CPQ: variants seen among roughly 807,000 people sequenced by gnomAD.
CPQ encodes the protein carboxypeptidase Q.
In CPQ, 37 loss-of-function variants were observed where a neutral mutation model predicts 45.7. That is an observed-to-expected ratio of 0.81 (90% CI 0.62 to 1.07). The LOEUF (loss-of-function observed/expected upper bound fraction) is 1.07, where lower values mean the gene tolerates loss of function less well. Ranked by LOEUF, CPQ falls within the 50% of genes least tolerant of loss-of-function variation. The probability of loss-of-function intolerance (pLI) is 0.00; values close to 1 mark genes in which losing one functional copy is unlikely to be tolerated. For missense variants in CPQ, 537 were observed against 572.9 expected (o/e 0.94, Z 0.64); for synonymous variants, 186 against 205.8 (o/e 0.90, Z 0.82).
chr8:97,083,316 C>G (rs1810986433), intron 7 of CPQ, among the ~76,000 whole-genome samples: 1 of 152,106 alleles, frequency 6.6e-6, no homozygotes, highest in Non-Finnish European at 1.5e-5. Flanking sequence ...GAGAGGATGA[C>G]TGGGCATGTA....
At chr8:97,003,766 G>A (rs1809329411) in intron 5 of CPQ, among the ~76,000 whole-genome samples, 1 of 152,158 alleles carries the variant, frequency 6.6e-6, no homozygotes, top group Non-Finnish European at 1.5e-5. Flanking sequence ...CACCAAGGAA[G>A]GGGGGATAAT....
chr8:97,027,115 T>G (rs947191180), intron 5 of CPQ, among the ~76,000 whole-genome samples: 2 of 152,242 alleles, frequency 1.3e-5, no homozygotes, highest in African/African-American at 4.8e-5. Context: ...TTCTTATTTT[T>G]GCCTATATTA....
chr8:96,774,022 G>A (rs1810577274), intron 1 of CPQ, among the ~76,000 whole-genome samples: 1 of 152,152 alleles, frequency 6.6e-6, no homozygotes, highest in African/African-American at 2.4e-5. Flanking sequence ...TCTAATCACA[G>A]CACTTTGGGA....
chr8:96,814,553 G>T (rs2130831695), intron 2 of CPQ, among the ~76,000 whole-genome samples: 1 of 152,200 alleles, frequency 6.6e-6, no homozygotes, highest in South Asian at 2.1e-4. Flanking sequence ...ATCTGTATCT[G>T]GATGTTTGCA....
rs59931181 is a variant in CPQ at position 96,651,130 on chromosome 8, C to T, written c.-35+5728C>T. ...AGACCATTTAAAATACAATGGACAT[C>T]ATGACTTGCAGCTAAATCCATTCAG... is the stretch of plus-strand genomic sequence containing the variant. On this transcript the variant is annotated intron_variant, in intron 1 of 7. Coordinates refer to ENST00000220763, the MANE Select transcript of CPQ (RefSeq NM_016134.4). Among the ~76,000 whole-genome samples, 558 of 152,302 alleles carry T rather than the reference C, an allele frequency of 3.7e-3. 6 individuals are homozygous for T. Among genetic ancestry groups the T allele is most frequent in the African/African-American group, 0.012 (497 of 41,570 alleles).
chr8:96,995,600 G>A (rs1184308850), intron 5 of CPQ, among the ~76,000 whole-genome samples: 6 of 151,212 alleles, frequency 4.0e-5, no homozygotes. Flanking sequence ...GATAGCAGCT[G>A]AATAGTTAGA....
chr8:96,698,573 A>G (rs925824660), intron 1 of CPQ, among the ~76,000 whole-genome samples: 52 of 152,286 alleles, frequency 3.4e-4, no homozygotes, highest in Non-Finnish European at 7.4e-4. Flanking sequence ...ACAGAATGGG[A>G]GAAAATATTT....
intron 1 of CPQ, among the ~76,000 whole-genome samples, chr8:96,735,844 TC>T (rs1285400904): frequency 6.6e-6 from 1 of 152,182 alleles, no homozygotes; most frequent in Non-Finnish European, 1.5e-5. Context: ...TAACAGCAAG[TC>T]ACTTCTTGTC....
At chr8:97,041,920 C>A (rs1223738749) in intron 6 of CPQ, among the ~76,000 whole-genome samples, 1 of 152,226 alleles carries the variant, frequency 6.6e-6, no homozygotes, top group Non-Finnish European at 1.5e-5. Context: ...CATCAATGTT[C>A]ATCAAGGATA....
chr8:97,001,565 G>A (rs1809280383), intron 5 of CPQ, among the ~76,000 whole-genome samples: 1 of 152,008 alleles, frequency 6.6e-6, no homozygotes, highest in Non-Finnish European at 1.5e-5. Flanking sequence ...TGCATATGTT[G>A]AACCAAACTT....
intron 3 of CPQ, among the ~76,000 whole-genome samples, chr8:96,856,442 G>A (rs1475675677): frequency 6.6e-6 from 1 of 152,082 alleles, no homozygotes; most frequent in African/African-American, 2.4e-5. Context: ...TTTCTTAATG[G>A]CACATATTTT....
intron 4 of CPQ, among the ~76,000 whole-genome samples, chr8:96,921,006 G>T (rs186656458): frequency 6.6e-6 from 1 of 152,246 alleles, no homozygotes; most frequent in East Asian, 1.9e-4. Context: ...ATTTTATTCT[G>T]TATAGCTTAT....
chr8:96,707,178 A>C (rs545938974), intron 1 of CPQ, among the ~76,000 whole-genome samples: 1 of 152,304 alleles, frequency 6.6e-6, no homozygotes, highest in African/African-American at 2.4e-5. Context: ...ATGAAGAAAC[A>C]GATCACTGTT....
chr8:96,702,072 G>T (rs1809469144), intron 1 of CPQ, among the ~76,000 whole-genome samples: 1 of 152,158 alleles, frequency 6.6e-6, no homozygotes, highest in Admixed American at 6.5e-5. Context: ...AGTTGTGCTG[G>T]CAAGATGGTG....
intron 6 of CPQ, among the ~76,000 whole-genome samples, chr8:97,044,485 G>A (rs1810196399): frequency 6.6e-6 from 1 of 152,166 alleles, no homozygotes; most frequent in African/African-American, 2.4e-5. Flanking sequence ...CTCTCAACTT[G>A]TCAAAGTCAT....
intron 3 of CPQ, among the ~76,000 whole-genome samples, chr8:96,839,499 A>G (rs909633606): frequency 6.6e-6 from 1 of 152,126 alleles, no homozygotes; most frequent in African/African-American, 2.4e-5. Flanking sequence ...CCTGGGAAAT[A>G]TGTTTTAAGA....
chr8:96,824,638 A>T (rs1811353972), intron 2 of CPQ, among the ~76,000 whole-genome samples: 1 of 151,990 alleles, frequency 6.6e-6, no homozygotes. Flanking sequence ...GTCCACATGG[A>T]TCCTTGGGAA....
rs747760951 is a variant in CPQ, at chr8:96,785,093, C to T, written c.196C>T (p.Arg66Ter). 7.6e-5 allele frequency: 122 copies of T among 1,613,588 alleles called. No homozygotes were observed. The highest frequency in any genetic ancestry group is 8.8e-5 in the Non-Finnish European group (104 of 1,179,842). ...TAAAGCCCAGAACAGATCCTATGAG[C>T]GATTGGCACTTCTGGTTGATACTGT... ...YGKAQNRSYE[R>*]LALLVDTVGP... Residue 66 changes from arginine (R) to a stop codon, truncating the protein, a stop_gained, in exon 2 of 8, where the codon CGA becomes TGA. Coordinates refer to ENST00000220763, the MANE Select transcript of CPQ (RefSeq NM_016134.4). LOFTEE classifies it high-confidence loss of function.
At chr8:97,128,762 A>C (rs1056452896) in intron 7 of CPQ, among the ~76,000 whole-genome samples, 1 of 152,242 alleles carries the variant, frequency 6.6e-6, no homozygotes, top group African/African-American at 2.4e-5. Flanking sequence ...GAATGAATGC[A>C]CGCCTGGAGA....
Sources: allele counts gnomAD v4.1 joint callset (sites outside exome capture counted in the v4.1 genomes callset), GRCh38; gene constraint gnomAD v4.1.1; transcripts MANE v1.5; gene names NCBI Gene and HGNC (gene_info 2026-07-23, HGNC 2026-07-21).